Variants in PCDH11Y observed in about 807,000 individuals in gnomAD.
PCDH11Y encodes the protein protocadherin 11 Y-linked, also known as protocadherin-11 Y-linked.
For missense variants in PCDH11Y, 12 were observed against 224.8 expected, an observed-to-expected ratio of 0.05 and a Z score of 6.05; for synonymous variants, 9 against 83.6, an observed-to-expected ratio of 0.11 and a Z score of 4.87.
downstream of PCDH11Y, among the ~76,000 whole-genome samples, chrY:5,108,610 G>A (rs111515222): frequency 2.0e-4 from 6 of 30,446 alleles, no homozygotes; most frequent in Non-Finnish European, 3.9e-4. Context: ...AGCCGGGCGT[G>A]GTGGCGGGCG....
chrY:5,434,340 G>C, intron 2 of PCDH11Y, among the ~76,000 whole-genome samples: 1 of 32,743 alleles, frequency 3.1e-5, no homozygotes, highest in South Asian at 7.0e-4. Context: ...CGGCTAGTGA[G>C]AAAAATAAAA....
At chrY:5,430,736 A>T in intron 2 of PCDH11Y, among the ~76,000 whole-genome samples, 1 of 32,730 alleles carries the variant, frequency 3.1e-5, no homozygotes, top group South Asian at 7.0e-4. Context: ...GAAAGACCCT[A>T]TTATGAAATT....
At chrY:5,230,851 C>T (rs2052967230) in intron 2 of PCDH11Y, among the ~76,000 whole-genome samples, 1 of 29,196 alleles carries the variant, frequency 3.4e-5, no homozygotes, top group African/African-American at 1.4e-4. Flanking sequence ...TTTCTTTTGA[C>T]TCTTCTGTGT....
At chrY:5,104,006 AAAACAAAC>A (rs2052783510), downstream of PCDH11Y, among the ~76,000 whole-genome samples, 4 of 32,295 alleles carry the variant, frequency 1.2e-4, no homozygotes, top group Non-Finnish European at 3.0e-4. Flanking sequence ...CATTTTCCAA[AAAACAAAC>A]AAACAAACAA....
At chrY:5,480,717 G>A in intron 2 of PCDH11Y, among the ~76,000 whole-genome samples, 1 of 33,533 alleles carries the variant, frequency 3.0e-5, no homozygotes, top group Admixed American at 2.7e-4. Flanking sequence ...TTCCTGACTG[G>A]GGCTGTTGCC....
chrY:5,587,920 A>G, intron 4 of PCDH11Y, among the ~76,000 whole-genome samples: 1 of 26,015 alleles, frequency 3.8e-5, no homozygotes, highest in African/African-American at 1.5e-4. Context: ...TTGTTTTTAC[A>G]TTAAATGTTA....
chrY:5,454,939 A>G (rs2053296377), intron 2 of PCDH11Y, among the ~76,000 whole-genome samples: 1 of 32,964 alleles, frequency 3.0e-5, no homozygotes, highest in Admixed American at 2.7e-4. Context: ...AGCTATACAA[A>G]TCTCTCTGGC....
chrY:5,313,740 T>C, intron 2 of PCDH11Y, among the ~76,000 whole-genome samples: 1 of 29,252 alleles, frequency 3.4e-5, no homozygotes, highest in Non-Finnish European at 8.2e-5. Flanking sequence ...AGAAGAAGCA[T>C]AAACATTCTG....
chrY:5,596,327 T>C, intron 4 of PCDH11Y, among the ~76,000 whole-genome samples: 1 of 33,540 alleles, frequency 3.0e-5, no homozygotes, highest in Non-Finnish European at 7.4e-5. Flanking sequence ...CTGGCTCTTG[T>C]AAGCTTTATG....
intron 2 of PCDH11Y, among the ~76,000 whole-genome samples, chrY:5,175,412 T>C: frequency 3.5e-5 from 1 of 28,287 alleles, no homozygotes; most frequent in African/African-American, 1.4e-4. Context: ...TTAGGGTACA[T>C]GTGCACATTG....
chrY:5,105,960 C>T, downstream of PCDH11Y, among the ~76,000 whole-genome samples: 5 of 32,758 alleles, frequency 1.5e-4, no homozygotes, highest in Non-Finnish European at 3.0e-4. Context: ...TGTTTTATTT[C>T]TCTAGCATTA....
At chrY:5,453,138 C>T in intron 2 of PCDH11Y, among the ~76,000 whole-genome samples, 1 of 33,069 alleles carries the variant, frequency 3.0e-5, no homozygotes, top group Non-Finnish European at 7.5e-5. Context: ...AACTATACTA[C>T]AAAGCTACAG....
intron 2 of PCDH11Y, among the ~76,000 whole-genome samples, chrY:5,177,215 A>C: frequency 3.0e-5 from 1 of 33,369 alleles, no homozygotes; most frequent in Admixed American, 2.7e-4. Context: ...GAAGGGGAAA[A>C]ATCATATTTA....
chrY:5,713,560 T>C, intron 4 of PCDH11Y, among the ~76,000 whole-genome samples: 10 of 31,181 alleles, frequency 3.2e-4, no homozygotes, highest in Admixed American at 3.1e-4. Context: ...TGTCTCAGTA[T>C]ATGTTTTTAG....
At chrY:5,177,936 C>G in intron 2 of PCDH11Y, among the ~76,000 whole-genome samples, 1 of 32,500 alleles carries the variant, frequency 3.1e-5, no homozygotes, top group Non-Finnish European at 7.6e-5. Flanking sequence ...CATTGCATGC[C>G]TGTATCGAAA....
At chrY:5,661,322 A>G in intron 4 of PCDH11Y, among the ~76,000 whole-genome samples, 2 of 33,691 alleles carry the variant, frequency 5.9e-5, no homozygotes, top group Non-Finnish European at 1.5e-4. Flanking sequence ...TTTATAGCAT[A>G]TTCTCACACT....
At position 5,090,890 on chromosome Y, in the gene PCDH11Y, G is replaced by A. The variant is rs2124633804; in HGVS notation, c.637-7325G>A. ...TGTCTTAGTGTCCTTTTCATAAGAG[G>A]AGAAGTAAGGCTAGATGATATCTGA... On this transcript the variant is annotated intron_variant, in intron 1 of 1. Coordinates refer to ENST00000215473, the Ensembl canonical transcript of PCDH11Y. 7.0e-4 allele frequency among the ~76,000 whole-genome samples: 23 copies of A among 33,027 alleles called. No homozygotes were observed. The East Asian group carries it at 0.017, about 25-fold the overall frequency. 88.6% of individuals were successfully genotyped at this position (33,027 alleles called of 37,273 possible). A position where few individuals can be genotyped will look rare whatever the true frequency, so the allele number is the denominator to read the frequency against.
At chrY:5,074,799 T>C (rs2124631196) in intron 1 of PCDH11Y, among the ~76,000 whole-genome samples, 1 of 32,123 alleles carries the variant, frequency 3.1e-5, no homozygotes, top group East Asian at 8.4e-4. Flanking sequence ...ATAAATAGAA[T>C]ATTTATGTTA....
chrY:5,411,958 A>G, intron 2 of PCDH11Y, among the ~76,000 whole-genome samples: 1 of 33,161 alleles, frequency 3.0e-5, no homozygotes, highest in African/African-American at 1.2e-4. Context: ...AGCTTTTCTA[A>G]TTCTGTGAGG....
Sources: gnomAD v4.1 joint callset for allele counts (sites outside exome capture counted in the v4.1 genomes callset) on GRCh38, gnomAD v4.1.1 for gene constraint, MANE v1.5 for transcripts, NCBI Gene and HGNC (gene_info 2026-07-23, HGNC 2026-07-21) for gene names.